The following GCNT2 variants were observed in gnomAD, a reference collection of about 807,000 sequenced individuals.
GCNT2 encodes the protein glucosaminyl (N-acetyl) transferase 2 (I blood group), also known as N-acetyllactosaminide beta-1,6-N-acetylglucosaminyl-transferase.
GCNT2 carries 34 observed loss-of-function variants against 34.2 expected under a neutral mutation model. That is an observed-to-expected ratio of 1.00 (90% CI 0.76 to 1.32). GCNT2 has a LOEUF of 1.32. Ranked by LOEUF, GCNT2 falls within the 40% of genes most tolerant of loss-of-function variation. The probability of loss-of-function intolerance (pLI) is 0.00; values close to 1 mark genes in which losing one functional copy is unlikely to be tolerated. For synonymous variants in GCNT2, 212 were observed against 188.0 expected (o/e 1.13, Z -1.04); for missense variants, 584 against 489.4 (o/e 1.19, Z -1.82).
chr6:10,573,240 C>T, intron 3 of GCNT2: 1 of 984,630 alleles, frequency 1.0e-6, no homozygotes, highest in Non-Finnish European at 1.2e-6. Context: ...TCGGATGCGA[C>T]ATTCGGAATC....
chr6:10,580,608 A>AT (rs1284165066), intron 3 of GCNT2, among the ~76,000 whole-genome samples: 2 of 147,960 alleles, frequency 1.4e-5, no homozygotes, highest in African/African-American at 4.9e-5. Context: ...ATCAAAAAGC[A>AT]TTGCCTTAAA....
At chr6:10,546,936 C>A (rs1187066703) in intron 3 of GCNT2, among the ~76,000 whole-genome samples, 2 of 151,986 alleles carry the variant, frequency 1.3e-5, no homozygotes, top group African/African-American at 4.8e-5. Context: ...TAAAAATATA[C>A]TTTATGGAAT....
At chr6:10,554,232 G>C (rs1023840734) in intron 3 of GCNT2, among the ~76,000 whole-genome samples, 1 of 152,186 alleles carries the variant, frequency 6.6e-6, no homozygotes, top group Admixed American at 6.5e-5. Context: ...TTTTTTTAAA[G>C]TTCTCCTGTC....
At chr6:10,565,207 A>G (rs1245828506) in intron 3 of GCNT2, among the ~76,000 whole-genome samples, 1 of 152,230 alleles carries the variant, frequency 6.6e-6, no homozygotes, top group African/African-American at 2.4e-5. Context: ...AGCATGAGGC[A>G]GGCAGTGCAT....
At chr6:10,533,961 G>C (rs555874887) in intron 3 of GCNT2, among the ~76,000 whole-genome samples, 1 of 151,568 alleles carries the variant, frequency 6.6e-6, no homozygotes, top group African/African-American at 2.4e-5. Flanking sequence ...TAGCAGCACC[G>C]AGACGTTGGC....
rs1561777869 is a variant in GCNT2, at chr6:10,529,402, T to TCTCCAGG, written c.501_507dup (p.Asp170ProfsTer3). The TCTCCAGG allele has an allele frequency of 1.9e-6, 3 of 1,614,062 alleles. No individual in the cohort carries two copies. The South Asian group carries it at 3.3e-5, about 18-fold the overall frequency. On this transcript the variant is annotated frameshift_variant, in exon 3 of 5. Transcript: ENST00000495262. LOFTEE classifies it high-confidence loss of function. ...AAGGAGTCGGTTGTCTATGGGGGGATCTCCAGGCTCCAGGCTGACCTGAAC... is the reference window on the plus strand; with the variant it reads ...AAGGAGTCGGTTGTCTATGGGGGGATCTCCAGGCTCCAGGCTCCAGGCTGACCTGAAC...
Position 10,529,227 on chromosome 6 carries a change from G to C in GCNT2, c.316G>C (p.Asp106His), listed in dbSNP as rs1561777472. The change falls in exon 3 of 5, where the codon GAC becomes CAC. Residue 106 changes from aspartate (D) to histidine (H), a missense_variant. Transcript: ENST00000495262. ...AGCTTACACAGTGACCATCCACAAAGACTTCGGCACTTTTGAGAGGCTCTT... is the reference window on the plus strand; with the variant it reads ...AGCTTACACAGTGACCATCCACAAACACTTCGGCACTTTTGAGAGGCTCTT... ...PLAYTVTIHK[D>H]FGTFERLFRA... is the part of the protein sequence containing the mutation. The C allele has an allele frequency of 1.2e-6, 2 of 1,614,170 alleles. No homozygotes were observed. The highest frequency in any genetic ancestry group is 1.7e-6 in the Non-Finnish European group (2 of 1,180,012).
chr6:10,610,385 G>C (rs781477384), intron 3 of GCNT2, among the ~76,000 whole-genome samples: 28 of 152,134 alleles, frequency 1.8e-4, no homozygotes, highest in Non-Finnish European at 3.8e-4. Flanking sequence ...CACCACCTCA[G>C]GAAAATCTGC....
At chr6:10,617,813 G>GCTGCAACCTCGGCTCA (rs1765857454) in intron 3 of GCNT2, among the ~76,000 whole-genome samples, 1 of 145,192 alleles carries the variant, frequency 6.9e-6, no homozygotes, top group African/African-American at 2.6e-5. Context: ...GGAGTGCAGT[G>GCTGCAACCTCGGCTCA]CTGCAACCTC....
At chr6:10,603,817 CTT>C (rs571206713) in intron 3 of GCNT2, among the ~76,000 whole-genome samples, 109 of 114,688 alleles carry the variant, frequency 9.5e-4, no homozygotes, top group African/African-American at 2.4e-3. Flanking sequence ...GCCTGACAGT[CTT>C]TTTTTTTTTT....
chr6:10,549,456 C>G (rs1228756087), intron 3 of GCNT2, among the ~76,000 whole-genome samples: 1 of 151,756 alleles, frequency 6.6e-6, no homozygotes, highest in East Asian at 1.9e-4. Context: ...AGTTGTCATA[C>G]CAATTCACAC....
intron 3 of GCNT2, among the ~76,000 whole-genome samples, chr6:10,615,778 G>A (rs1765732468): frequency 6.6e-6 from 1 of 152,224 alleles, no homozygotes; most frequent in African/African-American, 2.4e-5. Context: ...TAAACAAGGA[G>A]TGGATTATTA....
At chr6:10,562,088 C>G (rs1164032761) in intron 3 of GCNT2, among the ~76,000 whole-genome samples, 1 of 152,152 alleles carries the variant, frequency 6.6e-6, no homozygotes, top group Non-Finnish European at 1.5e-5. Context: ...AAGGGAGCTC[C>G]CAATCAAGCT....
At chr6:10,561,829 TC>T (rs1234059624) in intron 3 of GCNT2, among the ~76,000 whole-genome samples, 1 of 152,080 alleles carries the variant, frequency 6.6e-6, no homozygotes, top group Non-Finnish European at 1.5e-5. Context: ...TTTTTTTTTT[TC>T]AGGGCCCTTT....
chr6:10,559,394 T>C (rs1239188414), intron 3 of GCNT2, among the ~76,000 whole-genome samples: 1 of 152,246 alleles, frequency 6.6e-6, no homozygotes, highest in African/African-American at 2.4e-5. Flanking sequence ...GTTTATGCCA[T>C]GGCATGCTGG....
chr6:10,616,589 TAC>T (rs1765775208), intron 3 of GCNT2, among the ~76,000 whole-genome samples: 1 of 151,820 alleles, frequency 6.6e-6, no homozygotes, highest in Non-Finnish European at 1.5e-5. Context: ...CTGAGCTAGA[TAC>T]AGAGTGCCGA....
At chr6:10,539,602 C>A (rs1406682242) in intron 3 of GCNT2, among the ~76,000 whole-genome samples, 1 of 151,854 alleles carries the variant, frequency 6.6e-6, no homozygotes, top group Non-Finnish European at 1.5e-5. Context: ...AGAGAGTACA[C>A]AAACTATACC....
intron 1 of GCNT2, among the ~76,000 whole-genome samples, chr6:10,522,845 G>A: frequency 6.6e-6 from 1 of 152,134 alleles, no homozygotes. Context: ...TTGGGCTGCT[G>A]TTCTAGCTTC....
intron 3 of GCNT2, among the ~76,000 whole-genome samples, chr6:10,615,721 G>A (rs1190146264): frequency 6.6e-6 from 1 of 152,106 alleles, no homozygotes; most frequent in Non-Finnish European, 1.5e-5. Flanking sequence ...GAGCAACCCC[G>A]AGGGCTGCTG....
Sources: gnomAD v4.1 joint callset for allele counts (sites outside exome capture counted in the v4.1 genomes callset) on GRCh38, gnomAD v4.1.1 for gene constraint, MANE v1.5 for transcripts, NCBI Gene and HGNC (gene_info 2026-07-23, HGNC 2026-07-21) for gene names.